LRRC4C: variants seen among roughly 807,000 people sequenced by gnomAD.
The protein encoded by LRRC4C is leucine rich repeat containing 4C.
LRRC4C carries 5 observed loss-of-function variants against 33.6 expected under a neutral mutation model. That is an observed-to-expected ratio of 0.15 (90% CI 0.08 to 0.31). The LOEUF (loss-of-function observed/expected upper bound fraction) is 0.31. LRRC4C is among the 10% of genes least tolerant of loss of function. The pLI is 1.00. For synonymous variants in LRRC4C, 329 were observed against 302.0 expected (o/e 1.09, Z -0.93); for missense variants, 560 against 796.7 (o/e 0.70, Z 3.58).
At chr11:40,388,116 C>T (rs1328078377) in intron 3 of LRRC4C, among the ~76,000 whole-genome samples, 6 of 152,070 alleles carry the variant, frequency 3.9e-5, no homozygotes, top group Non-Finnish European at 8.8e-5. Context: ...TCTGCTTCTA[C>T]CTGTTACTGA....
At chr11:41,402,437 G>A (rs1285277364) in intron 1 of LRRC4C, among the ~76,000 whole-genome samples, 1 of 152,026 alleles carries the variant, frequency 6.6e-6, no homozygotes, top group African/African-American at 2.4e-5. Context: ...CAGTGCTTAT[G>A]TCCATTGATA....
intron 6 of LRRC4C, among the ~76,000 whole-genome samples, chr11:40,134,815 A>G (rs1407184564): frequency 2.0e-5 from 3 of 152,194 alleles, no homozygotes; most frequent in Admixed American, 1.3e-4. Context: ...TTTAGTCCCT[A>G]CAACTTTGGA....
chr11:40,341,011 A>G (rs1352936984), intron 3 of LRRC4C, among the ~76,000 whole-genome samples: 1 of 152,130 alleles, frequency 6.6e-6, no homozygotes, highest in Non-Finnish European at 1.5e-5. Flanking sequence ...AAAATAAACT[A>G]AGTAAATCTT....
At chr11:40,861,754 G>A (rs1223024002) in intron 2 of LRRC4C, among the ~76,000 whole-genome samples, 1 of 152,206 alleles carries the variant, frequency 6.6e-6, no homozygotes, top group African/African-American at 2.4e-5. Context: ...CAAGATGCAT[G>A]GTGCCAACAT....
intron 1 of LRRC4C, among the ~76,000 whole-genome samples, chr11:41,418,604 A>AG (rs201185021): frequency 0.015 from 2,230 of 152,176 alleles, 21 homozygotes; most frequent in Middle Eastern, 0.034. Context: ...ATCGCCAGCT[A>AG]GGGGGGTTGG....
Position 41,330,569 on chromosome 11 carries a change from T to C in LRRC4C, c.-496+128862A>G, listed in dbSNP as rs76416404. ...CCCTGAATGTCTGCTCAGATGCAGA[T>C]TGTTTTTTCTTCTTCCTTTGAGACA... is the stretch of plus-strand genomic sequence containing the variant. On this transcript the variant is annotated intron_variant, in intron 1 of 6. Transcript: ENST00000528697. Among the ~76,000 whole-genome samples, 15 of 152,150 alleles carry C rather than the reference T, an allele frequency of 9.9e-5. No homozygotes were observed. The East Asian group carries it at 2.9e-3, about 30-fold the overall frequency.
intron 3 of LRRC4C, among the ~76,000 whole-genome samples, chr11:40,385,939 T>A (rs1949095340): frequency 6.7e-6 from 1 of 150,212 alleles, no homozygotes; most frequent in Admixed American, 6.6e-5. Context: ...ACTTATCGAG[T>A]CCTATGTTCA....
chr11:41,321,825 G>A (rs921568323), intron 1 of LRRC4C, among the ~76,000 whole-genome samples: 1 of 152,038 alleles, frequency 6.6e-6, no homozygotes, highest in Non-Finnish European at 1.5e-5. Flanking sequence ...TAGCCTGTGT[G>A]CATTCCCAAG....
chr11:40,781,901 T>C (rs1168573434), intron 2 of LRRC4C, among the ~76,000 whole-genome samples: 1 of 152,214 alleles, frequency 6.6e-6, no homozygotes, highest in East Asian at 1.9e-4. Flanking sequence ...TGCCAGGCTT[T>C]CTGCTCTGTA....
intron 5 of LRRC4C, among the ~76,000 whole-genome samples, chr11:40,219,780 A>T (rs1227408608): frequency 6.6e-6 from 1 of 152,146 alleles, no homozygotes; most frequent in Non-Finnish European, 1.5e-5. Context: ...AAAGTTGCAA[A>T]TATGTAGGAT....
chr11:40,245,736 A>C (rs1242721029), intron 4 of LRRC4C, among the ~76,000 whole-genome samples: 1 of 152,160 alleles, frequency 6.6e-6, no homozygotes, highest in South Asian at 2.1e-4. Flanking sequence ...TACTTGTAGA[A>C]TATAGATAAC....
At chr11:40,740,914 CAAA>C (rs1948128405) in intron 2 of LRRC4C, among the ~76,000 whole-genome samples, 1 of 151,952 alleles carries the variant, frequency 6.6e-6, no homozygotes, top group Non-Finnish European at 1.5e-5. Flanking sequence ...GTACCTTTGT[CAAA>C]GACCATTTGA....
intron 1 of LRRC4C, among the ~76,000 whole-genome samples, chr11:41,060,183 T>A (rs2135357090): frequency 6.6e-6 from 1 of 152,268 alleles, no homozygotes; most frequent in Middle Eastern, 3.4e-3. Flanking sequence ...TCTCTACAAT[T>A]CCATTTTCTT....
At chr11:40,473,031 G>A (rs11827759) in intron 3 of LRRC4C, among the ~76,000 whole-genome samples, 3,715 of 152,250 alleles carry the variant, frequency 0.024, 156 homozygotes, top group African/African-American at 0.084. Context: ...GAGATACAAA[G>A]AGGAGCTGGT....
At position 41,306,685 on chromosome 11, in the gene LRRC4C, T is replaced by C. The variant is rs562409263; in HGVS notation, c.-496+152746A>G. 3.9e-5 allele frequency among the ~76,000 whole-genome samples: 6 copies of C among 152,330 alleles called. No homozygotes were observed. The South Asian group carries it at 1.2e-3, about 32-fold the overall frequency. ...AATATGAAAGAAGAAGCACAGGGTA[T>C]AAGGAAGTCTATGGGGGAATTCCTT... On this transcript the variant is annotated intron_variant, in intron 1 of 6. Transcript: ENST00000528697.
At chr11:40,529,895 A>C (rs1331320774) in intron 3 of LRRC4C, among the ~76,000 whole-genome samples, 1 of 152,110 alleles carries the variant, frequency 6.6e-6, no homozygotes, top group Non-Finnish European at 1.5e-5. Flanking sequence ...TAGTTGCTTT[A>C]CCAACACAGC....
chr11:40,739,017 GTGTGTGTGTGTA>G (rs1260427596), intron 2 of LRRC4C, among the ~76,000 whole-genome samples: 2 of 114,230 alleles, frequency 1.8e-5, no homozygotes, highest in African/African-American at 6.8e-5. Flanking sequence ...TTGTGTGTGT[GTGTGTGTGTGTA>G]TGTGTGTGTG....
intron 1 of LRRC4C, among the ~76,000 whole-genome samples, chr11:41,151,978 G>A (rs1425024870): frequency 6.6e-6 from 1 of 152,126 alleles, no homozygotes; most frequent in African/African-American, 2.4e-5. Flanking sequence ...TACTGCAGAG[G>A]AGATAACTTC....
chr11:40,521,342 G>C (rs1374816403), intron 3 of LRRC4C, among the ~76,000 whole-genome samples: 1 of 152,212 alleles, frequency 6.6e-6, no homozygotes, highest in East Asian at 1.9e-4. Context: ...TTAATGAATA[G>C]TGAGTAATAA....
Sources: gnomAD v4.1 joint callset for allele counts (sites outside exome capture counted in the v4.1 genomes callset) on GRCh38, gnomAD v4.1.1 for gene constraint, MANE v1.5 for transcripts, NCBI Gene and HGNC (gene_info 2026-07-23, HGNC 2026-07-21) for gene names.